Variants in TMTC2 observed in about 807,000 individuals in gnomAD.
The protein encoded by TMTC2 is protein O-mannosyl-transferase TMTC2.
TMTC2 carries 43 observed loss-of-function variants against 82.4 expected under a neutral mutation model. That is an observed-to-expected ratio of 0.52 (90% CI 0.41 to 0.67). The LOEUF (loss-of-function observed/expected upper bound fraction) is 0.67, where lower values mean the gene tolerates loss of function less well. TMTC2 is among the 30% of genes least tolerant of loss of function. The pLI is 0.00. For synonymous variants in TMTC2, 408 were observed against 381.9 expected, an observed-to-expected ratio of 1.07 and a Z score of -0.80; for missense variants, 919 against 1,012.4, an observed-to-expected ratio of 0.91 and a Z score of 1.25.
chr12:82,745,593 C>T (rs1407368130), intron 1 of TMTC2, among the ~76,000 whole-genome samples: 1 of 152,162 alleles, frequency 6.6e-6, no homozygotes, highest in Non-Finnish European at 1.5e-5. Flanking sequence ...TGTACATTAG[C>T]AGACAAGAGC....
intron 3 of TMTC2, among the ~76,000 whole-genome samples, chr12:82,911,891 T>G (rs935915622): frequency 6.6e-6 from 1 of 152,216 alleles, no homozygotes; most frequent in African/African-American, 2.4e-5. Flanking sequence ...ACTACAGGTG[T>G]GAACCACCTC....
intron 1 of TMTC2, among the ~76,000 whole-genome samples, chr12:82,742,804 G>A (rs150368537): frequency 3.2e-4 from 49 of 152,296 alleles, no homozygotes; most frequent in African/African-American, 1.1e-3. Flanking sequence ...GATTACAGGC[G>A]TGAGCCTCCG....
At chr12:82,884,645 T>C (rs1051525505) in intron 2 of TMTC2, among the ~76,000 whole-genome samples, 15 of 152,180 alleles carry the variant, frequency 9.9e-5, no homozygotes, top group African/African-American at 3.6e-4. Context: ...GTTTTAGGTT[T>C]ATATAAAAAT....
At chr12:83,094,091 T>G (rs541804511) in intron 11 of TMTC2, among the ~76,000 whole-genome samples, 2 of 152,224 alleles carry the variant, frequency 1.3e-5, no homozygotes, top group Non-Finnish European at 2.9e-5. Flanking sequence ...GGTGTCTGCC[T>G]TTGAGGAGCA....
At chr12:82,897,313 T>G (rs1013672716) in intron 3 of TMTC2, among the ~76,000 whole-genome samples, 3 of 152,218 alleles carry the variant, frequency 2.0e-5, no homozygotes, top group Non-Finnish European at 2.9e-5. Flanking sequence ...TTGCTTTAGA[T>G]TTAGAAAATT....
At position 82,925,765 on chromosome 12, in the gene TMTC2, A is replaced by G. The variant is rs143871336; in HGVS notation, c.1484-4666A>G. On this transcript the variant is annotated intron_variant, in intron 3 of 11. Transcript: ENST00000321196. ...TGTTTCACTGATCAGCCCTTCCCCA[A>G]TTTCTCTCCCTTTCCATGGGCAACC... Among the ~76,000 whole-genome samples the G allele has an allele frequency of 1.2e-4, 18 of 152,222 alleles. No homozygotes were observed. The East Asian group carries it at 2.9e-3, about 25-fold the overall frequency.
chr12:83,082,852 C>T (rs542212556), intron 11 of TMTC2, among the ~76,000 whole-genome samples: 6 of 152,280 alleles, frequency 3.9e-5, no homozygotes, highest in South Asian at 2.1e-4. Flanking sequence ...GCCTCAGTGA[C>T]GTCCCTATTT....
At chr12:83,118,317 C>T (rs148572480) in intron 11 of TMTC2, among the ~76,000 whole-genome samples, 3 of 152,082 alleles carry the variant, frequency 2.0e-5, no homozygotes, top group African/African-American at 7.2e-5. Context: ...TCGTCAGAGA[C>T]GGCTTTTACT....
At chr12:83,080,286 G>C (rs151096490) in intron 11 of TMTC2, among the ~76,000 whole-genome samples, 1 of 152,008 alleles carries the variant, frequency 6.6e-6, no homozygotes, top group Non-Finnish European at 1.5e-5. Flanking sequence ...ATAAACAAAT[G>C]TTCACTTAAA....
At chr12:82,735,775 G>A (rs1274579366) in intron 1 of TMTC2, among the ~76,000 whole-genome samples, 1 of 151,744 alleles carries the variant, frequency 6.6e-6, no homozygotes, top group African/African-American at 2.4e-5. Context: ...GACCAGCCTG[G>A]CCAACATAGT....
intron 1 of TMTC2, among the ~76,000 whole-genome samples, chr12:82,746,097 A>G (rs1295051451): frequency 3.3e-5 from 5 of 152,238 alleles, no homozygotes; most frequent in African/African-American, 1.2e-4. Flanking sequence ...GAATTTTTAT[A>G]TAGAGGCCTT....
At chr12:83,063,939 T>G (rs186098393) in intron 11 of TMTC2, among the ~76,000 whole-genome samples, 6 of 151,940 alleles carry the variant, frequency 3.9e-5, no homozygotes, top group Admixed American at 3.3e-4. Flanking sequence ...ATGCCCTAGT[T>G]GGGCAGCTTT....
At chr12:83,028,846 T>C (rs1881293061) in intron 8 of TMTC2, among the ~76,000 whole-genome samples, 1 of 152,230 alleles carries the variant, frequency 6.6e-6, no homozygotes, top group Admixed American at 6.5e-5. Context: ...CAAGTGTATG[T>C]ATAGGAAACA....
chr12:82,829,656 A>G (rs934792333), intron 1 of TMTC2, among the ~76,000 whole-genome samples: 2 of 152,204 alleles, frequency 1.3e-5, no homozygotes, highest in African/African-American at 4.8e-5. Context: ...ATATTACTGT[A>G]AAAAGTTATA....
At chr12:82,721,389 A>G (rs1874198811) in intron 1 of TMTC2, among the ~76,000 whole-genome samples, 1 of 152,218 alleles carries the variant, frequency 6.6e-6, no homozygotes, top group Non-Finnish European at 1.5e-5. Flanking sequence ...TTTTGCCCTT[A>G]TAATAGTTTA....
intron 1 of TMTC2, among the ~76,000 whole-genome samples, chr12:82,756,417 G>A (rs1445331151): frequency 6.6e-6 from 1 of 152,190 alleles, no homozygotes; most frequent in Non-Finnish European, 1.5e-5. Context: ...GAGGTTAGAT[G>A]TGCTTGGGAG....
intron 1 of TMTC2, among the ~76,000 whole-genome samples, chr12:82,792,785 T>C (rs906790956): frequency 1.3e-5 from 2 of 152,142 alleles, no homozygotes; most frequent in Non-Finnish European, 2.9e-5. Context: ...GATGTTACTT[T>C]ACATTTTATT....
intron 1 of TMTC2, among the ~76,000 whole-genome samples, chr12:82,693,210 T>C (rs1191605586): frequency 1.3e-5 from 2 of 152,214 alleles, no homozygotes; most frequent in Non-Finnish European, 2.9e-5. Context: ...CACTTGAATT[T>C]ATCACTTGAT....
Position 82,896,040 on chromosome 12 carries a change from G to C in TMTC2, c.877G>C (p.Asp293His), listed in dbSNP as rs780418266. Residue 293 changes from aspartate to histidine, a missense_variant, in exon 3 of 12, where the codon GAT (aspartate) becomes CAT (histidine). By Grantham distance (81) the Asp-to-His change is moderately conservative. Coordinates refer to ENST00000321196, the MANE Select transcript of TMTC2 (RefSeq NM_152588.3). ...GCTATGTCCAGATACCCTCAGTTTT[G>C]ATTGGTCAATGGATGCTGTGCCTCT... ...LLLCPDTLSFDWSMDAVPLLK... is the reference protein window; with the variant it reads ...LLLCPDTLSFHWSMDAVPLLK... 1 of 1,613,912 alleles carries C rather than the reference G, an allele frequency of 6.2e-7. No individual in the cohort carries two copies. Among genetic ancestry groups the C allele is most frequent in the Non-Finnish European group, 8.5e-7 (1 of 1,180,008 alleles).
Sources: gnomAD v4.1 joint callset for allele counts (sites outside exome capture counted in the v4.1 genomes callset) on GRCh38, gnomAD v4.1.1 for gene constraint, MANE v1.5 for transcripts, NCBI Gene and HGNC (gene_info 2026-07-23, HGNC 2026-07-21) for gene names.